Variants in TMEM115 observed in about 807,000 individuals in gnomAD.
TMEM115 encodes PP6.
TMEM115 carries 8 observed loss-of-function variants against 20.1 expected under a neutral mutation model. That is an observed-to-expected ratio of 0.40 (90% CI 0.23 to 0.72). The LOEUF (loss-of-function observed/expected upper bound fraction) is 0.72, where lower values mean the gene tolerates loss of function less well. Ranked by LOEUF, TMEM115 falls within the 30% of genes least tolerant of loss-of-function variation. The pLI is 0.39. For missense variants in TMEM115, 374 were observed against 455.1 expected (o/e 0.82, Z 1.62); for synonymous variants, 229 against 206.2 (o/e 1.11, Z -0.95).
chr3:50,357,252 C>T (rs1029329171), intron 1 of TMEM115, among the ~76,000 whole-genome samples: 2 of 152,338 alleles, frequency 1.3e-5, no homozygotes, highest in Admixed American at 6.5e-5. Context: ...GTCCCACACT[C>T]AATTCCATAG....
chr3:50,355,221 G>T lies in TMEM115; in HGVS notation c.*122C>A. 2.9e-6 allele frequency: 2 copies of T among 697,276 alleles called. No homozygotes were observed. Among genetic ancestry groups the T allele is most frequent in the Non-Finnish European group, 4.5e-6 (2 of 442,740 alleles). The allele number at this position is 697,276 out of a possible 1,614,324, so 43.2% of individuals were successfully genotyped here. A position where few individuals can be genotyped will look rare whatever the true frequency, so the allele number is the denominator to read the frequency against. ...TAGTGTTGGCGAGAAACAGCAGAAG[G>T]CCATGGAAAGCCCCAGCAGGCCTTC... On this transcript the variant is annotated 3_prime_UTR_variant, in exon 2 of 2. Coordinates refer to ENST00000266025, the MANE Select transcript of TMEM115 (RefSeq NM_007024.5).
Position 50,355,509 on chromosome 3 carries a change from C to T in TMEM115, c.890G>A (p.Arg297Lys), listed in dbSNP as rs1448115908. 1 of 1,607,654 alleles carries T rather than the reference C, an allele frequency of 6.2e-7. No individual in the cohort carries two copies. The highest frequency in any genetic ancestry group is 1.1e-5 in the South Asian group (1 of 90,094). ...GGGCCAGATGGACTGGTCTTCCACTCTCTTCAGCCGCTCATTGAGTGCCTT... is the reference window on the plus strand; with the variant it reads ...GGGCCAGATGGACTGGTCTTCCACTTTCTTCAGCCGCTCATTGAGTGCCTT... ...ALKALNERLK[R>K]VEDQSIWPSM... The change falls in exon 2 of 2, where the codon AGA (arginine) becomes AAA (lysine). Residue 297 changes from arginine to lysine, a missense_variant. Arg to Lys is a conservative substitution (Grantham distance 26, BLOSUM62 2). Coordinates refer to ENST00000266025, the MANE Select transcript of TMEM115 (RefSeq NM_007024.5).
chr3:50,357,921 T>C (rs956897444), intron 1 of TMEM115, among the ~76,000 whole-genome samples: 3 of 152,204 alleles, frequency 2.0e-5, no homozygotes, highest in African/African-American at 7.2e-5. Flanking sequence ...GATTCTGAGA[T>C]TCTGAGGCAA....
At position 50,358,880 on chromosome 3, in the gene TMEM115, G is replaced by A; in HGVS notation, c.184C>T (p.Leu62=). 1 of 1,613,294 alleles carries A rather than the reference G, an allele frequency of 6.2e-7. No individual in the cohort carries two copies. The highest frequency in any genetic ancestry group is 1.1e-5 in the South Asian group (1 of 91,090). Residue 62 remains leucine, a synonymous_variant, in exon 1 of 2, where the codon CTG becomes TTG. Coordinates refer to ENST00000266025, the MANE Select transcript of TMEM115 (RefSeq NM_007024.5). ...TGCTCCATCAGCCCATGGGTGGCCAGGGTCCAGATCCAGAAGTTGGGAGGA... is the reference window on the plus strand; with the variant it reads ...TGCTCCATCAGCCCATGGGTGGCCAAGGTCCAGATCCAGAAGTTGGGAGGA... ...LFPPNFWIWT[L]ATHGLMEQHV...
chr3:50,358,687 T>C lies in TMEM115; in HGVS notation c.377A>G (p.Asn126Ser), dbSNP rs767079372. ...ACGGACAGTGAACAGGTAGACCAGG[T>C]TGAAGGAAGCCATGTAGGTGAGGAG... The part of the protein sequence containing the change: ...AYLLTYMASF[N>S]LVYLFTVRIH... Residue 126 changes from asparagine to serine, a missense_variant, in exon 1 of 2, where the codon AAC (asparagine) becomes AGC (serine). Transcript: ENST00000266025. The C allele has an allele frequency of 1.4e-5, 22 of 1,613,362 alleles. No individual in the cohort carries two copies. The highest frequency in any genetic ancestry group is 1.9e-5 in the Non-Finnish European group (22 of 1,179,996).
Position 50,359,263 on chromosome 3 carries a change from A to C in TMEM115, c.-200T>G, listed in dbSNP as rs1703926442. 1.2e-6 allele frequency: 1 copy of C among 857,232 alleles called. No individual in the cohort carries two copies. 53.1% of individuals were successfully genotyped at this position (857,232 alleles called of 1,614,324 possible). The stretch of plus-strand genomic sequence containing the variant: ...GGGCCTTGTTGCCGGGCCGCAGCGT[A>C]GGCCCCTCGCCCGGGACCTGAGGGA... On this transcript the variant is annotated 5_prime_UTR_variant, in exon 1 of 2. Coordinates refer to ENST00000266025, the MANE Select transcript of TMEM115 (RefSeq NM_007024.5).
rs758502394 is a variant in TMEM115, at chr3:50,355,396, C to A, written c.1003G>T (p.Ala335Ser). ...DKAPTPPGKG[A>S]APESSLITFE... ...GTGATTAGACTGGATTCTGGGGCAG[C>A]CCCCTTCCCTGGGGGTGTGGGAGCT... Residue 335 changes from alanine (A) to serine (S), a missense_variant, in exon 2 of 2, where the codon GCT (alanine) becomes TCT (serine). By Grantham distance (99) the Ala-to-Ser change is moderately conservative. Coordinates refer to ENST00000266025, the MANE Select transcript of TMEM115 (RefSeq NM_007024.5). 1.9e-6 allele frequency: 3 copies of A among 1,568,752 alleles called. No homozygotes were observed. The highest frequency in any genetic ancestry group is 2.6e-6 in the Non-Finnish European group (3 of 1,157,704).
chr3:50,357,345 G>A (rs1177108585), intron 1 of TMEM115, among the ~76,000 whole-genome samples: 1 of 152,210 alleles, frequency 6.6e-6, no homozygotes, highest in Non-Finnish European at 1.5e-5. Context: ...GTGAGCAAAA[G>A]CAGGAGCCTT....
At position 50,359,135 on chromosome 3, in the gene TMEM115, C is replaced by T; in HGVS notation, c.-72G>A. 1 of 1,452,394 alleles carries T rather than the reference C, an allele frequency of 6.9e-7. No individual in the cohort carries two copies. Among genetic ancestry groups the T allele is most frequent in the South Asian group, 1.4e-5 (1 of 70,152 alleles). 90.0% of individuals were successfully genotyped at this position (1,452,394 alleles called of 1,614,324 possible). On this transcript the variant is annotated 5_prime_UTR_variant, in exon 1 of 2. Coordinates refer to ENST00000266025, the MANE Select transcript of TMEM115 (RefSeq NM_007024.5). ...GCCTCCCCGGGGCCTCGTCCTAGTC[C>T]GGCCCCGATGGGAGGCCCAGGCCCG...
chr3:50,356,049 C>A (rs1215197442), intron 1 of TMEM115, among the ~76,000 whole-genome samples: 1 of 152,210 alleles, frequency 6.6e-6, no homozygotes, highest in Non-Finnish European at 1.5e-5. Context: ...AATTCAACAC[C>A]TCCCTTGGCT....
chr3:50,355,288 G>C lies in TMEM115; in HGVS notation c.*55C>G, dbSNP rs1703850034. 7.5e-7 allele frequency: 1 copy of C among 1,329,878 alleles called. No individual in the cohort carries two copies. Among genetic ancestry groups the C allele is most frequent in the African/African-American group, 1.5e-5 (1 of 66,580 alleles). 82.4% of individuals were successfully genotyped at this position (1,329,878 alleles called of 1,614,324 possible). A position where few individuals can be genotyped will look rare whatever the true frequency, so the allele number is the denominator to read the frequency against. ...CAGTCAGGTGCCCTGGAGTAGCTGAGAGGATGTCAAGGGGGGCTTGGGAGG... is the reference window on the plus strand; with the variant it reads ...CAGTCAGGTGCCCTGGAGTAGCTGACAGGATGTCAAGGGGGGCTTGGGAGG... On this transcript the variant is annotated 3_prime_UTR_variant, in exon 2 of 2. Transcript: ENST00000266025.
rs1044795240 is a variant in TMEM115 at position 50,358,578 on chromosome 3, G to T, written c.486C>A (p.Pro162=). 3 of 1,610,402 alleles carry T rather than the reference G, an allele frequency of 1.9e-6. No homozygotes were observed. ...TMGDCVVLRV[P]QVRVSVMPML... ...TGGGCATCACACTGACGCGCACCTG[G>T]GGCACTCGCAGGACCACACAGTCCC... is the stretch of plus-strand genomic sequence containing the variant. Residue 162 remains proline, a synonymous_variant, in exon 1 of 2, where the codon CCC becomes CCA. Coordinates refer to ENST00000266025, the MANE Select transcript of TMEM115 (RefSeq NM_007024.5).
At chr3:50,356,271 C>T (rs1022279817) in intron 1 of TMEM115, among the ~76,000 whole-genome samples, 3 of 152,214 alleles carry the variant, frequency 2.0e-5, no homozygotes, top group Admixed American at 6.5e-5. Context: ...CCCTTAGAGG[C>T]CCCACTTTGA....
intron 1 of TMEM115, among the ~76,000 whole-genome samples, chr3:50,357,356 G>A (rs1288428404): frequency 1.3e-5 from 2 of 152,200 alleles, no homozygotes; most frequent in East Asian, 1.9e-4. Context: ...CAGGAGCCTT[G>A]GCAATGCAAA....
chr3:50,355,610 T>C (rs1703857120), intron 1 of TMEM115, 63 bp from the exon 2 acceptor site: 1 of 1,433,470 alleles, frequency 7.0e-7, no homozygotes, highest in Non-Finnish European at 9.3e-7. Flanking sequence ...CCCTCTACCC[T>C]TCCGCAGCAG....
At position 50,358,814 on chromosome 3, in the gene TMEM115, C is replaced by A. The variant is rs771686400; in HGVS notation, c.250G>T (p.Val84Leu). The change falls in exon 1 of 2, where the codon GTG becomes TTG. Residue 84 changes from valine to leucine, a missense_variant. Coordinates refer to ENST00000266025, the MANE Select transcript of TMEM115 (RefSeq NM_007024.5). ...AGGGGCTCCAGCAAACGCCCGGCCA[C>A]CACCACCGTTGTCAGGCTGATGGCC... is the stretch of plus-strand genomic sequence containing the variant. Reference protein sequence around the residue: ...DVAISLTTVVVAGRLLEPLWG... With the variant: ...DVAISLTTVVLAGRLLEPLWG... 2.5e-6 allele frequency: 4 copies of A among 1,613,302 alleles called. No homozygotes were observed. In the South Asian group the frequency reaches 3.3e-5, roughly 13 times the overall value.
chr3:50,355,571 G>C, intron 1 of TMEM115, 24 bp from the exon 2 acceptor site: 1 of 1,562,946 alleles, frequency 6.4e-7, no homozygotes, highest in Non-Finnish European at 8.7e-7. Context: ...AGAGAGGAAA[G>C]GTCACTCTGG....
intron 1 of TMEM115, among the ~76,000 whole-genome samples, chr3:50,355,915 T>G (rs1207072041): frequency 1.3e-5 from 2 of 152,212 alleles, no homozygotes; most frequent in Non-Finnish European, 1.5e-5. Context: ...CGGCAAGTTC[T>G]GGAGTTTCCA....
chr3:50,355,491 ATG>A lies in TMEM115; in HGVS notation c.906_907del (p.Ile303LeufsTer6). The A allele has an allele frequency of 6.2e-7, 1 of 1,608,942 alleles. No individual in the cohort carries two copies. The highest frequency in any genetic ancestry group is 2.3e-5 in the East Asian group (1 of 44,296). On this transcript the variant is annotated frameshift_variant, in exon 2 of 2. Coordinates refer to ENST00000266025, the MANE Select transcript of TMEM115 (RefSeq NM_007024.5). LOFTEE classifies it high-confidence loss of function. ...TTCATCATCATCCATGCTGGGCCAGATGGACTGGTCTTCCACTCTCTTCAGCC... is the reference window on the plus strand; with the variant it reads ...TTCATCATCATCCATGCTGGGCCAGAGACTGGTCTTCCACTCTCTTCAGCC...
Sources: allele counts gnomAD v4.1 joint callset (sites outside exome capture counted in the v4.1 genomes callset), GRCh38; gene constraint gnomAD v4.1.1; transcripts MANE v1.5; gene names NCBI Gene and HGNC (gene_info 2026-07-23, HGNC 2026-07-21).